Variants in DLG2 observed in about 807,000 individuals in gnomAD.
DLG2 encodes the protein disks large homolog 2.
In DLG2, 45 loss-of-function variants were observed where a neutral mutation model predicts 132.5. That is an observed-to-expected ratio of 0.34 (90% CI 0.27 to 0.44). DLG2 has a LOEUF of 0.44. Ranked by LOEUF, DLG2 falls within the 20% of genes least tolerant of loss-of-function variation. DLG2 has a pLI of 1.00. For missense variants in DLG2, 1,045 were observed against 1,196.9 expected (o/e 0.87, Z 1.87); for synonymous variants, 424 against 419.6 (o/e 1.01, Z -0.13).
intron 3 of DLG2, among the ~76,000 whole-genome samples, chr11:85,296,778 C>T (rs2079249960): frequency 6.6e-6 from 1 of 151,024 alleles, no homozygotes; most frequent in African/African-American, 2.4e-5. Context: ...CTTGTAAACA[C>T]CTGTGTTCCA....
intron 6 of DLG2, among the ~76,000 whole-genome samples, chr11:84,998,746 AT>A (rs897357148): frequency 9.3e-5 from 14 of 150,854 alleles, no homozygotes; most frequent in African/African-American, 2.4e-4. Flanking sequence ...CCATAAGCGG[AT>A]TTTTTTTTGT....
Position 85,150,010 on chromosome 11 carries a change from A to ATTTTTTTTTTTTTTTTTT in DLG2, c.282+4528_282+4545dup, listed in dbSNP as rs962380618. Among the ~76,000 whole-genome samples the ATTTTTTTTTTTTTTTTTT allele has an allele frequency of 8.0e-5, 9 of 112,302 alleles. No individual in the cohort carries two copies. The East Asian group carries it at 1.1e-3, about 13-fold the overall frequency. 73.7% of individuals were successfully genotyped at this position (112,302 alleles called of 152,430 possible). On this transcript the variant is annotated intron_variant, in intron 5 of 27. Transcript: ENST00000376104. ...ATTAACTCAAAAACATCAGTTTTTA[A>ATTTTTTTTTTTTTTTTTT]TTTTTTTTTTTTTTTTTTTTTTTTT...
rs549685987 is a variant in DLG2 at position 84,179,891 on chromosome 11, A to G, written c.574-16380T>C. Among the ~76,000 whole-genome samples the G allele has an allele frequency of 2.6e-5, 4 of 152,250 alleles. No individual in the cohort carries two copies. In the East Asian group the frequency reaches 7.7e-4, roughly 29 times the overall value. On this transcript the variant is annotated intron_variant, in intron 8 of 27. Transcript: ENST00000376104. ...AATCCAGATAGACAAACTCACCAAA[A>G]TACTGAAACCTAATCACAGGAATAA...
intron 6 of DLG2, among the ~76,000 whole-genome samples, chr11:85,071,441 A>G (rs2065851193): frequency 6.6e-6 from 1 of 151,872 alleles, no homozygotes; most frequent in African/African-American, 2.4e-5. Context: ...GATGTGTAGA[A>G]AAACTACTTT....
intron 9 of DLG2, among the ~76,000 whole-genome samples, chr11:84,149,732 A>G (rs1291556903): frequency 6.6e-6 from 1 of 151,720 alleles, no homozygotes; most frequent in Non-Finnish European, 1.5e-5. Flanking sequence ...TTATTTATTT[A>G]TTTATTTATT....
chr11:83,860,566 G>A (rs1395681558), intron 16 of DLG2, among the ~76,000 whole-genome samples: 3 of 152,162 alleles, frequency 2.0e-5, no homozygotes, highest in Non-Finnish European at 4.4e-5. Context: ...AGTAACTAAA[G>A]TGCTTTTGAT....
At chr11:84,912,289 G>A (rs1827180659) in intron 6 of DLG2, among the ~76,000 whole-genome samples, 1 of 152,170 alleles carries the variant, frequency 6.6e-6, no homozygotes, top group South Asian at 2.1e-4. Context: ...CCGAGTAGGT[G>A]AGCCTACAGG....
chr11:84,281,820 C>T lies in DLG2; in HGVS notation c.520-30529G>A, dbSNP rs1599004640. On this transcript the variant is annotated intron_variant, in intron 7 of 27. Coordinates refer to ENST00000376104, the MANE Select transcript of DLG2 (RefSeq NM_001142699.3). ...AAATTAAAACCCCAGTAAGATACTA[C>T]TACATACCTATTAGAATGGTTAATA... Among the ~76,000 whole-genome samples the T allele has an allele frequency of 2.0e-5, 3 of 152,194 alleles. No individual in the cohort carries two copies. The South Asian group carries it at 6.2e-4, about 32-fold the overall frequency.
intron 6 of DLG2, among the ~76,000 whole-genome samples, chr11:84,551,941 T>TCCTCTCTC (rs980211034): frequency 3.4e-4 from 52 of 152,186 alleles, no homozygotes; most frequent in African/African-American, 1.2e-3. Context: ...TCAGCATCTT[T>TCCTCTCTC]CCTCTCTCAT....
intron 6 of DLG2, among the ~76,000 whole-genome samples, chr11:84,730,567 CA>C (rs1408387801): frequency 2.0e-5 from 3 of 151,846 alleles, no homozygotes; most frequent in African/African-American, 7.3e-5. Context: ...TGATCATTGT[CA>C]AAAAAATATA....
At chr11:84,608,820 G>A (rs577204287) in intron 6 of DLG2, among the ~76,000 whole-genome samples, 2 of 152,252 alleles carry the variant, frequency 1.3e-5, no homozygotes, top group South Asian at 2.1e-4. Flanking sequence ...ATACTGATAA[G>A]TATATGCCAA....
chr11:85,062,132 G>A (rs2064211276), intron 6 of DLG2, among the ~76,000 whole-genome samples: 1 of 151,708 alleles, frequency 6.6e-6, no homozygotes, highest in African/African-American at 2.4e-5. Context: ...TTTCATTTTG[G>A]TTATCTGAAA....
Position 83,887,160 on chromosome 11 carries a change from G to T in DLG2, c.1497-12672C>A, listed in dbSNP as rs554315628. On this transcript the variant is annotated intron_variant, in intron 15 of 27. Transcript: ENST00000376104. ...CTTCAAAAAATTAATGAATCCAGGA[G>T]TTGGTTTTTTGAAAGGATCAACAAA... Among the ~76,000 whole-genome samples, 258 of 152,256 alleles carry T rather than the reference G, an allele frequency of 1.7e-3. 2 individuals are homozygous for T. The highest frequency in any genetic ancestry group is 5.8e-3 in the African/African-American group (242 of 41,534).
chr11:84,063,726 A>C (rs886403804), intron 10 of DLG2, among the ~76,000 whole-genome samples: 1 of 152,180 alleles, frequency 6.6e-6, no homozygotes, highest in Non-Finnish European at 1.5e-5. Flanking sequence ...ATGTCCATCA[A>C]TGATAGACTG....
intron 3 of DLG2, among the ~76,000 whole-genome samples, chr11:85,546,471 G>C (rs956452495): frequency 6.6e-6 from 1 of 152,180 alleles, no homozygotes; most frequent in Non-Finnish European, 1.5e-5. Context: ...ATATTCTGTT[G>C]ATGTGGGGTG....
rs188093409 is a variant in DLG2 at position 83,541,932 on chromosome 11, G to A, written c.1941-74C>T. 1.1e-5 allele frequency: 16 copies of A among 1,434,234 alleles called. No homozygotes were observed. In the African/African-American group the frequency reaches 1.7e-4, roughly 15 times the overall value. The allele number at this position is 1,434,234 out of a possible 1,614,324, so 88.8% of individuals were successfully genotyped here. The stretch of plus-strand genomic sequence containing the variant: ...AGATTTAGGATTTATGGTTTCAAAT[G>A]TTTGCTCTTGCTCTGAGAACCTATC... On this transcript the variant is annotated intron_variant, in intron 19 of 27. Coordinates refer to ENST00000376104, the MANE Select transcript of DLG2 (RefSeq NM_001142699.3).
intron 6 of DLG2, among the ~76,000 whole-genome samples, chr11:84,989,034 T>C (rs1043420032): frequency 2.0e-5 from 3 of 151,998 alleles, no homozygotes; most frequent in Admixed American, 1.3e-4. Context: ...TAAAAAAAAT[T>C]AGAACTCCAC....
chr11:84,125,725 C>T (rs2154210429), intron 9 of DLG2, among the ~76,000 whole-genome samples: 1 of 152,342 alleles, frequency 6.6e-6, no homozygotes, highest in Admixed American at 6.5e-5. Flanking sequence ...AGGTTCCTAT[C>T]ACCATAGAGG....
chr11:85,120,004 G>T (rs1421289734), intron 5 of DLG2, among the ~76,000 whole-genome samples: 1 of 151,990 alleles, frequency 6.6e-6, no homozygotes, highest in South Asian at 2.1e-4. Context: ...ATACAAATTT[G>T]CTTATGATCT....
Sources: gnomAD v4.1 joint callset for allele counts (sites outside exome capture counted in the v4.1 genomes callset) on GRCh38, gnomAD v4.1.1 for gene constraint, MANE v1.5 for transcripts, NCBI Gene and HGNC (gene_info 2026-07-23, HGNC 2026-07-21) for gene names.